XRCC5: variants seen among roughly 807,000 people sequenced by gnomAD.
XRCC5 encodes X-ray repair cross complementing 5, also known as DNA repair protein Ku80.
A neutral mutation model predicts 95.7 loss-of-function variants in XRCC5; 12 were observed. That is an observed-to-expected ratio of 0.13 (90% CI 0.08 to 0.20). The LOEUF (loss-of-function observed/expected upper bound fraction) is 0.20. Ranked by LOEUF, XRCC5 falls within the 10% of genes least tolerant of loss-of-function variation. The pLI is 1.00. For missense variants in XRCC5, 595 were observed against 873.9 expected (o/e 0.68, Z 4.02); for synonymous variants, 281 against 290.3 (o/e 0.97, Z 0.33).
chr2:216,162,163 C>A (rs899868339), intron 16 of XRCC5, 115 bp downstream of exon 16: 30 of 999,996 alleles, frequency 3.0e-5, no homozygotes, highest in Non-Finnish European at 4.6e-5. Context: ...TCTTTACTGG[C>A]GGATCTTTGT....
At chr2:216,147,110 A>AT (rs1249171128) in intron 13 of XRCC5, among the ~76,000 whole-genome samples, 1 of 146,642 alleles carries the variant, frequency 6.8e-6, no homozygotes, top group Non-Finnish European at 1.5e-5. Flanking sequence ...GGGCTACTTC[A>AT]TATAGAGTGT....
At chr2:216,198,352 C>T (rs1035431604) in intron 19 of XRCC5, among the ~76,000 whole-genome samples, 2 of 152,140 alleles carry the variant, frequency 1.3e-5, no homozygotes, top group Non-Finnish European at 2.9e-5. Context: ...GTAATTTTGA[C>T]TCACCTTCAG....
chr2:216,202,212 CAG>C (rs941629782), intron 19 of XRCC5, among the ~76,000 whole-genome samples: 7 of 152,314 alleles, frequency 4.6e-5, no homozygotes, highest in South Asian at 2.1e-4. Flanking sequence ...TGTGGCCCTA[CAG>C]AGATTTATGG....
intron 12 of XRCC5, among the ~76,000 whole-genome samples, chr2:216,140,150 C>T (rs1697149782): frequency 1.3e-5 from 2 of 152,200 alleles, no homozygotes; most frequent in Admixed American, 1.3e-4. Context: ...TGCCTGAAAC[C>T]TCCATGGTTT....
chr2:216,135,751 A>G (rs900348763), intron 10 of XRCC5, among the ~76,000 whole-genome samples: 1 of 151,802 alleles, frequency 6.6e-6, no homozygotes, highest in Non-Finnish European at 1.5e-5. Context: ...GTGAGCCGAG[A>G]TTGTGCCACT....
chr2:216,197,133 C>T (rs1221094553), intron 19 of XRCC5, among the ~76,000 whole-genome samples: 1 of 152,134 alleles, frequency 6.6e-6, no homozygotes, highest in East Asian at 1.9e-4. Flanking sequence ...ACAGATGATG[C>T]ACTTGCAAAT....
At chr2:216,189,649 A>C (rs996571297) in intron 16 of XRCC5, among the ~76,000 whole-genome samples, 1 of 152,226 alleles carries the variant, frequency 6.6e-6, no homozygotes, top group Non-Finnish European at 1.5e-5. Flanking sequence ...GGTCCAGCTA[A>C]GGGCATAAGG....
intron 16 of XRCC5, among the ~76,000 whole-genome samples, chr2:216,189,591 T>TTA (rs1689575973): frequency 6.6e-6 from 1 of 152,224 alleles, no homozygotes; most frequent in South Asian, 2.1e-4. Context: ...TTACTGTTTA[T>TTA]TAAGTATTTG....
At chr2:216,155,474 A>G (rs1286319249) in intron 14 of XRCC5, among the ~76,000 whole-genome samples, 2 of 152,206 alleles carry the variant, frequency 1.3e-5, no homozygotes, top group African/African-American at 4.8e-5. Context: ...ATTTTTAAAC[A>G]TTAGATGATA....
intron 5 of XRCC5, among the ~76,000 whole-genome samples, chr2:216,120,453 C>A (rs1417826264): frequency 1.3e-5 from 2 of 152,124 alleles, no homozygotes; most frequent in Non-Finnish European, 2.9e-5. Flanking sequence ...TGCTACAAAC[C>A]TCCAGCATAC....
chr2:216,170,333 TTC>T (rs1255414962), intron 16 of XRCC5, among the ~76,000 whole-genome samples: 1 of 152,202 alleles, frequency 6.6e-6, no homozygotes, highest in Non-Finnish European at 1.5e-5. Context: ...TGAGTAATTT[TTC>T]TCTTTTTATA....
intron 16 of XRCC5, among the ~76,000 whole-genome samples, chr2:216,179,490 T>C (rs1689342428): frequency 6.6e-6 from 1 of 152,126 alleles, no homozygotes; most frequent in Admixed American, 6.5e-5. Context: ...AGCAGGATAG[T>C]GGGATAGGGA....
rs1285103164 is a variant in XRCC5, at chr2:216,187,815, ACACACACTCTCTCTCTCT to A, written c.1835-2408_1835-2391del. Among the ~76,000 whole-genome samples, 17 of 90,376 alleles carry A rather than the reference ACACACACTCTCTCTCTCT, an allele frequency of 1.9e-4. No individual in the cohort carries two copies. The East Asian group carries it at 2.0e-3, about 11-fold the overall frequency. The allele number at this position is 90,376 out of a possible 152,430, so 59.3% of individuals were successfully genotyped here. On this transcript the variant is annotated intron_variant, in intron 16 of 20. Transcript: ENST00000392132. The stretch of plus-strand genomic sequence containing the variant: ...CACACACACACACACACACACACAC[ACACACACTCTCTCTCTCT>A]CTCTCTCTCTCTCTCTCTCTCTCTC...
At chr2:216,110,851 T>G (rs1369444049) in intron 1 of XRCC5, among the ~76,000 whole-genome samples, 1 of 152,208 alleles carries the variant, frequency 6.6e-6, no homozygotes, top group Non-Finnish European at 1.5e-5. Flanking sequence ...GGGATGTGCA[T>G]TTTACTGTTC....
chr2:216,204,019 A>G (rs1043291545), intron 19 of XRCC5: 3 of 316,016 alleles, frequency 9.5e-6, no homozygotes, highest in African/African-American at 4.2e-5. Flanking sequence ...GAAACAGCAG[A>G]TGTCCACCAT....
chr2:216,161,391 G>A (rs1025834378), intron 15 of XRCC5, among the ~76,000 whole-genome samples: 1 of 152,074 alleles, frequency 6.6e-6, no homozygotes, highest in African/African-American at 2.4e-5. Context: ...TGGCAGTTTC[G>A]TCTTTCAAAC....
chr2:216,138,146 T>G lies in XRCC5; in HGVS notation c.1309T>G (p.Ser437Ala). The G allele has an allele frequency of 1.9e-6, 3 of 1,613,506 alleles. No individual in the cohort carries two copies. The South Asian group carries it at 3.3e-5, about 18-fold the overall frequency. ...MEDLRQYMFSSLKNSKKYAPT... is the reference protein window; with the variant it reads ...MEDLRQYMFSALKNSKKYAPT... ...AGACTTGCGGCAATACATGTTTTCATCCTTGAAAAACAGTAAGAAATATGC... is the reference window on the plus strand; with the variant it reads ...AGACTTGCGGCAATACATGTTTTCAGCCTTGAAAAACAGTAAGAAATATGC... Residue 437 changes from serine to alanine, a missense_variant, in exon 12 of 21, where the codon TCC becomes GCC. Coordinates refer to ENST00000392132, the MANE Select transcript of XRCC5 (RefSeq NM_021141.4).
At chr2:216,132,450 AGTT>A (rs547622511) in intron 10 of XRCC5, 63 bp downstream of exon 10, 1,366 of 1,530,956 alleles carry the variant, frequency 8.9e-4, no homozygotes, top group Non-Finnish European at 1.2e-3. Flanking sequence ...TATGAAAGCA[AGTT>A]GTTTGGGGCT....
At chr2:216,187,614 G>C (rs936450170) in intron 16 of XRCC5, among the ~76,000 whole-genome samples, 1 of 151,736 alleles carries the variant, frequency 6.6e-6, no homozygotes, top group African/African-American at 2.4e-5. Flanking sequence ...TAGTACCTGT[G>C]TAGTTGTTTC....
Sources: allele counts gnomAD v4.1 joint callset (sites outside exome capture counted in the v4.1 genomes callset), GRCh38; gene constraint gnomAD v4.1.1; transcripts MANE v1.5; gene names NCBI Gene and HGNC (gene_info 2026-07-23, HGNC 2026-07-21).